The following INPP4B variants were observed in gnomAD, a reference collection of about 807,000 sequenced individuals.
INPP4B encodes inositol polyphosphate 4-phosphatase type II.
A neutral mutation model predicts 122.5 loss-of-function variants in INPP4B; 55 were observed. The ratio of observed to expected loss-of-function variants is 0.45; its 90% confidence interval spans 0.36 to 0.56. The LOEUF (loss-of-function observed/expected upper bound fraction) is 0.56. Among genes scored for constraint, INPP4B ranks in the 20% least tolerant of loss-of-function variants. The pLI, the probability that INPP4B is intolerant of heterozygous loss-of-function variation, is 0.00. For missense variants in INPP4B, 1,000 were observed against 1,097.7 expected (o/e 0.91, Z 1.26); for synonymous variants, 403 against 388.7 (o/e 1.04, Z -0.43).
chr4:142,461,995 G>A (rs748319908), intron 3 of INPP4B, among the ~76,000 whole-genome samples: 20 of 151,988 alleles, frequency 1.3e-4, no homozygotes, highest in Non-Finnish European at 2.2e-4. Flanking sequence ...TTTTCAACCC[G>A]GCTTCATTTA....
At chr4:142,758,220 T>A (rs1770780489) in intron 1 of INPP4B, among the ~76,000 whole-genome samples, 1 of 152,174 alleles carries the variant, frequency 6.6e-6, no homozygotes, top group Non-Finnish European at 1.5e-5. Flanking sequence ...CAAGGATATT[T>A]GGTCTAGAAG....
intron 1 of INPP4B, among the ~76,000 whole-genome samples, chr4:142,832,470 G>A (rs1782266295): frequency 6.6e-6 from 1 of 152,138 alleles, no homozygotes; most frequent in African/African-American, 2.4e-5. Context: ...GGAGACAAAT[G>A]GCAAAGCAAA....
At chr4:142,733,245 T>C (rs1290242491) in intron 1 of INPP4B, among the ~76,000 whole-genome samples, 2 of 152,108 alleles carry the variant, frequency 1.3e-5, no homozygotes, top group Non-Finnish European at 2.9e-5. Context: ...TTGGGGCAGA[T>C]CGTGATTTCT....
At chr4:142,697,327 C>T (rs1182919379) in intron 2 of INPP4B, among the ~76,000 whole-genome samples, 1 of 152,130 alleles carries the variant, frequency 6.6e-6, no homozygotes, top group Non-Finnish European at 1.5e-5. Context: ...AGAAAAGCTA[C>T]CTAAATTCTC....
At chr4:142,418,491 AT>A (rs1424391019) in intron 5 of INPP4B, among the ~76,000 whole-genome samples, 1 of 152,086 alleles carries the variant, frequency 6.6e-6, no homozygotes, top group Non-Finnish European at 1.5e-5. Flanking sequence ...ATGACAAGAA[AT>A]TTTTTTAAAA....
At chr4:142,601,001 C>G (rs1023784241) in intron 2 of INPP4B, among the ~76,000 whole-genome samples, 1 of 151,982 alleles carries the variant, frequency 6.6e-6, no homozygotes, top group East Asian at 1.9e-4. Context: ...TACAAAAATT[C>G]TAAATATATA....
At chr4:142,247,624 G>A (rs954402437) in intron 11 of INPP4B, among the ~76,000 whole-genome samples, 14 of 151,978 alleles carry the variant, frequency 9.2e-5, no homozygotes, top group African/African-American at 3.4e-4. Context: ...ATTTCTGTGG[G>A]GTCAGTGGTG....
At chr4:142,586,598 CAGTT>C (rs1185365643) in intron 2 of INPP4B, among the ~76,000 whole-genome samples, 17 of 152,278 alleles carry the variant, frequency 1.1e-4, no homozygotes, top group Non-Finnish European at 1.9e-4. Flanking sequence ...ACAAGGCTAA[CAGTT>C]AGGTGCTGGG....
At position 142,040,257 on chromosome 4, in the gene INPP4B, A is replaced by G. The variant is rs571803759; in HGVS notation, c.2643-11343T>C. On this transcript the variant is annotated intron_variant, in intron 25 of 25. Coordinates refer to ENST00000262992, the MANE Select transcript of INPP4B (RefSeq NM_001101669.3). ...TTGCCTGGTGAGGGAGCCCAATAGC[A>G]GGGGATGCTGCAGGATGCATGGCTG... 5.9e-5 allele frequency among the ~76,000 whole-genome samples: 9 copies of G among 152,294 alleles called. No individual in the cohort carries two copies. The East Asian group carries it at 1.7e-3, about 29-fold the overall frequency.
intron 3 of INPP4B, among the ~76,000 whole-genome samples, chr4:142,451,243 G>GTTT (rs1160804774): frequency 1.6e-5 from 2 of 125,526 alleles, no homozygotes; most frequent in South Asian, 2.6e-4. Flanking sequence ...TTTTGTTGCT[G>GTTT]TTGTTTTTTT....
intron 17 of INPP4B, among the ~76,000 whole-genome samples, chr4:142,159,268 A>AT (rs1818821846): frequency 1.3e-5 from 2 of 151,342 alleles, no homozygotes; most frequent in Admixed American, 6.6e-5. Flanking sequence ...TGTGAAAAAA[A>AT]AAAAGTGAAG....
intron 2 of INPP4B, among the ~76,000 whole-genome samples, chr4:142,550,405 T>C (rs947580023): frequency 3.9e-5 from 6 of 152,036 alleles, no homozygotes; most frequent in African/African-American, 7.2e-5. Flanking sequence ...ACCAGGATGT[T>C]AGTAATCTTG....
intron 2 of INPP4B, among the ~76,000 whole-genome samples, chr4:142,690,817 A>G (rs144051263): frequency 1.3e-5 from 2 of 152,258 alleles, no homozygotes; most frequent in African/African-American, 4.8e-5. Flanking sequence ...GTTTAGAAAT[A>G]AGTCCTGAGG....
intron 19 of INPP4B, 70 bp downstream of exon 19, chr4:142,124,518 A>C (rs1374460222): frequency 7.4e-7 from 1 of 1,354,002 alleles, no homozygotes; most frequent in Non-Finnish European, 1.0e-6. Flanking sequence ...TAAGAATTCT[A>C]TTCATCATCA....
chr4:142,702,039 T>C (rs925215979), intron 2 of INPP4B, among the ~76,000 whole-genome samples: 12 of 152,324 alleles, frequency 7.9e-5, no homozygotes, highest in Admixed American at 3.9e-4. Flanking sequence ...CACTGAAGCT[T>C]AGCCAAGTCA....
At chr4:142,554,466 G>A (rs2150091256) in intron 2 of INPP4B, among the ~76,000 whole-genome samples, 1 of 151,674 alleles carries the variant, frequency 6.6e-6, no homozygotes, top group Middle Eastern at 3.5e-3. Context: ...AAGCAACTCT[G>A]CTCATGTCAC....
At chr4:142,580,307 G>A (rs1424108444) in intron 2 of INPP4B, among the ~76,000 whole-genome samples, 3 of 151,880 alleles carry the variant, frequency 2.0e-5, no homozygotes, top group Non-Finnish European at 4.4e-5. Context: ...TAGATTACAT[G>A]AGTTAAACAA....
intron 23 of INPP4B, among the ~76,000 whole-genome samples, chr4:142,101,119 G>A (rs1784288455): frequency 6.6e-6 from 1 of 152,044 alleles, no homozygotes; most frequent in South Asian, 2.1e-4. Flanking sequence ...GCTCTGAAAA[G>A]CAGAAATGAG....
intron 7 of INPP4B, chr4:142,383,739 C>A: frequency 4.2e-6 from 1 of 240,092 alleles, no homozygotes; most frequent in Admixed American, 5.4e-5. Context: ...GAAATATAAG[C>A]TTCAAGGATA....
Sources: allele counts gnomAD v4.1 joint callset (sites outside exome capture counted in the v4.1 genomes callset), GRCh38; gene constraint gnomAD v4.1.1; transcripts MANE v1.5; gene names NCBI Gene and HGNC (gene_info 2026-07-23, HGNC 2026-07-21).